The following CFAP77 variants were observed in gnomAD, a reference collection of about 807,000 sequenced individuals.
The protein encoded by CFAP77 is cilia and flagella associated protein 77.
In CFAP77, 25 loss-of-function variants were observed where a neutral mutation model predicts 31.1. The ratio of observed to expected loss-of-function variants is 0.80; its 90% confidence interval spans 0.59 to 1.12. The LOEUF (loss-of-function observed/expected upper bound fraction) is 1.12. CFAP77 is among the 50% of genes most tolerant of loss of function. The probability of loss-of-function intolerance (pLI) is 0.00; values close to 1 mark genes in which losing one functional copy is unlikely to be tolerated. For missense variants in CFAP77, 377 were observed against 397.3 expected, an observed-to-expected ratio of 0.95 and a Z score of 0.44; for synonymous variants, 151 against 159.9, an observed-to-expected ratio of 0.94 and a Z score of 0.42.
At chr9:132,474,349 C>T (rs562630885) in intron 1 of CFAP77, among the ~76,000 whole-genome samples, 207 of 152,304 alleles carry the variant, frequency 1.4e-3, no homozygotes, top group African/African-American at 4.7e-3. Context: ...TATTCACTCA[C>T]TCACTCGTTC....
In CFAP77 at chr9:132,554,192, C is replaced by T. The variant is rs1167723488; in HGVS notation, c.732+11145C>T. Among the ~76,000 whole-genome samples the T allele has an allele frequency of 6.6e-6, 1 of 152,150 alleles. No homozygotes were observed. Among genetic ancestry groups the T allele is most frequent in the Non-Finnish European group, 1.5e-5 (1 of 68,034 alleles). Reference sequence around the variant, plus strand: ...ATCATCGAGTGCACTGTCATGCCTTCTGTTGTGGAAAAAACATGCTCGACG... The same window carrying T: ...ATCATCGAGTGCACTGTCATGCCTTTTGTTGTGGAAAAAACATGCTCGACG... On this transcript the variant is annotated intron_variant, in intron 5 of 5. Coordinates refer to ENST00000393216, the MANE Select transcript of CFAP77 (RefSeq NM_001282957.2). The surrounding 1 kb of genome is among the most constrained non-coding windows in gnomAD (Gnocchi z 4.1).
intron 1 of CFAP77, among the ~76,000 whole-genome samples, chr9:132,447,324 A>G (rs1850743031): frequency 6.6e-6 from 1 of 152,220 alleles, no homozygotes; most frequent in Admixed American, 6.5e-5. Flanking sequence ...CAGAGAGTGA[A>G]CTGGGTGGAG....
intron 3 of CFAP77, among the ~76,000 whole-genome samples, chr9:132,534,346 C>A (rs990413367): frequency 3.9e-5 from 6 of 152,124 alleles, no homozygotes; most frequent in African/African-American, 1.4e-4. Context: ...GGCACGGTGG[C>A]TCATGCCTGT....
In CFAP77 at chr9:132,498,576, A is replaced by C. The variant is rs1851783255; in HGVS notation, c.196-119A>C. 1 of 754,956 alleles carries C rather than the reference A, an allele frequency of 1.3e-6. No individual in the cohort carries two copies. Among genetic ancestry groups the C allele is most frequent in the South Asian group, 1.7e-5 (1 of 59,074 alleles). The allele number at this position is 754,956 out of a possible 1,614,324, so 46.8% of individuals were successfully genotyped here. ...TGCCACCCACTCCTGTGCCACCCTG[A>C]AGGCCACGGCAGGGCCTGGGGGAAA... On this transcript the variant is annotated intron_variant, in intron 1 of 5. Coordinates refer to ENST00000393216, the MANE Select transcript of CFAP77 (RefSeq NM_001282957.2). The surrounding 1 kb of genome is among the most constrained non-coding windows in gnomAD (Gnocchi z 4.2).
chr9:132,519,563 G>GATGA (rs1336891771), intron 3 of CFAP77, among the ~76,000 whole-genome samples: 6 of 135,404 alleles, frequency 4.4e-5, no homozygotes, highest in Non-Finnish European at 8.0e-5. Flanking sequence ...TGAATGGATG[G>GATGA]ATGGATGGAT....
chr9:132,557,830 G>A (rs1852928054), intron 5 of CFAP77, among the ~76,000 whole-genome samples: 1 of 152,160 alleles, frequency 6.6e-6, no homozygotes, highest in Non-Finnish European at 1.5e-5. Flanking sequence ...CCCAGGAACG[G>A]GTGACCTGAG....
chr9:132,494,566 G>A (rs1851708562), intron 1 of CFAP77, among the ~76,000 whole-genome samples: 1 of 152,140 alleles, frequency 6.6e-6, no homozygotes, highest in Admixed American at 6.5e-5. Flanking sequence ...CATGTTCTTG[G>A]GTGGATGTAC....
chr9:132,512,584 A>G (rs1008298808), intron 3 of CFAP77, among the ~76,000 whole-genome samples: 1 of 152,222 alleles, frequency 6.6e-6, no homozygotes, highest in Non-Finnish European at 1.5e-5. Flanking sequence ...CTTCCCCTGG[A>G]GTCTTGCTAC....
rs552720803 is a variant in CFAP77, at chr9:132,448,038, A to G, written c.195+37572A>G. 1.7e-4 allele frequency among the ~76,000 whole-genome samples: 26 copies of G among 152,272 alleles called. 1 individual carries two copies. The highest frequency in any genetic ancestry group is 1.5e-5 in the Non-Finnish European group (1 of 68,022). On this transcript the variant is annotated intron_variant, in intron 1 of 5. Coordinates refer to ENST00000393216, the MANE Select transcript of CFAP77 (RefSeq NM_001282957.2). ...TGGGAGTGTGGCTTAATTAGATGAC[A>G]ACTTGGAGGTGCTAGCTGTTCTCAA...
chr9:132,441,182 G>T (rs1850610070), intron 1 of CFAP77, among the ~76,000 whole-genome samples: 1 of 152,118 alleles, frequency 6.6e-6, no homozygotes, highest in African/African-American at 2.4e-5. Context: ...TCTGTCATTT[G>T]CATACTGTTT....
At chr9:132,530,588 T>G (rs186646039) in intron 3 of CFAP77, among the ~76,000 whole-genome samples, 213 of 152,306 alleles carry the variant, frequency 1.4e-3, no homozygotes, top group Non-Finnish European at 2.5e-3. Context: ...AGTTTTCTAA[T>G]GGGATTGTTT....
intron 1 of CFAP77, among the ~76,000 whole-genome samples, chr9:132,469,663 TAA>T (rs907132912): frequency 1.3e-5 from 2 of 151,470 alleles, no homozygotes; most frequent in Non-Finnish European, 2.9e-5. Context: ...CCCACCTTTT[TAA>T]AAAAAAACTT....
rs140914395 is a variant in CFAP77 at position 132,462,642 on chromosome 9, C to T, written c.196-36053C>T. ...CAGCCTGGCTAACGTGGTAAAACCCCGTCTCTACCAAAAATAGAAAAAAAT... is the reference window on the plus strand; with the variant it reads ...CAGCCTGGCTAACGTGGTAAAACCCTGTCTCTACCAAAAATAGAAAAAAAT... On this transcript the variant is annotated intron_variant, in intron 1 of 5. Transcript: ENST00000393216. 1.1e-3 allele frequency among the ~76,000 whole-genome samples: 174 copies of T among 152,024 alleles called. 1 individual carries two copies. The highest frequency in any genetic ancestry group is 3.5e-3 in the African/African-American group (143 of 41,442).
At chr9:132,417,886 T>C (rs1850133026) in intron 1 of CFAP77, among the ~76,000 whole-genome samples, 1 of 7,956 alleles carries the variant, frequency 1.3e-4, no homozygotes. Flanking sequence ...GCTTACATTT[T>C]CCCCCTTCTG....
chr9:132,440,863 C>T (rs1002036526), intron 1 of CFAP77, among the ~76,000 whole-genome samples: 3 of 152,152 alleles, frequency 2.0e-5, no homozygotes, highest in Non-Finnish European at 4.4e-5. Context: ...GCAGGCTGCC[C>T]TATTTTACAT....
At chr9:132,531,115 C>CCAATTTA (rs774171353) in intron 3 of CFAP77, among the ~76,000 whole-genome samples, 19 of 152,216 alleles carry the variant, frequency 1.2e-4, no homozygotes, top group Non-Finnish European at 2.1e-4. Flanking sequence ...CACATATAGC[C>CCAATTTA]CAATTTACAA....
intron 5 of CFAP77, among the ~76,000 whole-genome samples, chr9:132,569,611 G>A (rs1829928626): frequency 6.6e-6 from 1 of 151,954 alleles, no homozygotes; most frequent in African/African-American, 2.4e-5. Flanking sequence ...TGCCAATCTG[G>A]ATGCCACTGA....
chr9:132,443,777 G>A (rs775848591), intron 1 of CFAP77, among the ~76,000 whole-genome samples: 2 of 152,176 alleles, frequency 1.3e-5, no homozygotes, highest in African/African-American at 4.8e-5. Context: ...GGAGCATGAC[G>A]TTGAAAATAG....
At chr9:132,445,840 GCCT>G (rs1260492182) in intron 1 of CFAP77, among the ~76,000 whole-genome samples, 1 of 148,704 alleles carries the variant, frequency 6.7e-6, no homozygotes, top group Non-Finnish European at 1.5e-5. Context: ...CTGCACTCTA[GCCT>G]GGGCGACAGA....
Sources: gnomAD v4.1 joint callset for allele counts (sites outside exome capture counted in the v4.1 genomes callset) on GRCh38, gnomAD v4.1.1 for gene constraint, Gnocchi (gnomAD v3.1) non-coding constraint, MANE v1.5 for transcripts, NCBI Gene and HGNC (gene_info 2026-07-23, HGNC 2026-07-21) for gene names.